CLASP1: variants seen among roughly 807,000 people sequenced by gnomAD.
CLASP1 encodes the protein CLIP-associating protein 1.
A neutral mutation model predicts 192.3 loss-of-function variants in CLASP1; 38 were observed. The observed-to-expected ratio is 0.20, with a 90% CI of 0.15 to 0.26. The LOEUF (loss-of-function observed/expected upper bound fraction) is 0.26, where lower values mean the gene tolerates loss of function less well. Ranked by LOEUF, CLASP1 falls within the 10% of genes least tolerant of loss-of-function variation. The pLI is 1.00. For missense variants in CLASP1, 1,433 were observed against 1,932.5 expected, an observed-to-expected ratio of 0.74 and a Z score of 4.85; for synonymous variants, 691 against 712.8, an observed-to-expected ratio of 0.97 and a Z score of 0.49.
chr2:121,541,124 G>A (rs781301440), intron 2 of CLASP1, among the ~76,000 whole-genome samples: 7 of 152,144 alleles, frequency 4.6e-5, no homozygotes, highest in Non-Finnish European at 1.0e-4. Context: ...CAAAACACTT[G>A]TAAAGGCCCC....
chr2:121,367,707 A>G (rs2067702298), exon 35 of CLASP1: 2 of 1,613,786 alleles, frequency 1.2e-6, no homozygotes, highest in Non-Finnish European at 1.7e-6. Context: ...CGGCCCCGGG[A>G]AGGCGCGCGG....
At position 121,647,673 on chromosome 2, in the gene CLASP1, C is replaced by T. The variant is rs144217989; in HGVS notation, c.-286+1699G>A. On this transcript the variant is annotated intron_variant, in intron 1 of 39. Coordinates refer to ENST00000263710, the Ensembl canonical transcript of CLASP1. The stretch of plus-strand genomic sequence containing the variant: ...TGGAATCTGTGGGTTAATTCAAAAG[C>T]CTGACATACTAGGAGATCTGGGTTT... 2.0e-3 allele frequency among the ~76,000 whole-genome samples: 312 copies of T among 152,318 alleles called. 1 individual carries two copies. The highest frequency in any genetic ancestry group is 7.2e-3 in the African/African-American group (298 of 41,564).
intron 8 of CLASP1, among the ~76,000 whole-genome samples, chr2:121,478,924 ACCACACAACACCCCCCACACACAC>A (rs2092260706): frequency 1.9e-5 from 1 of 52,858 alleles, no homozygotes; most frequent in Non-Finnish European, 3.5e-5. Context: ...CCACACACAC[ACCACACAACACCCCCCACACACAC>A]ACCACACACA....
At chr2:121,609,069 C>A (rs955391192) in intron 1 of CLASP1, among the ~76,000 whole-genome samples, 1 of 152,134 alleles carries the variant, frequency 6.6e-6, no homozygotes, top group African/African-American at 2.4e-5. Flanking sequence ...AATGAGTTTC[C>A]TTTCCCCACC....
intron 2 of CLASP1, among the ~76,000 whole-genome samples, chr2:121,588,273 T>C (rs2061964475): frequency 6.6e-6 from 1 of 152,098 alleles, no homozygotes; most frequent in Non-Finnish European, 1.5e-5. Context: ...ACAGGTTATG[T>C]GGTAAGTGTA....
intron 32 of CLASP1, among the ~76,000 whole-genome samples, chr2:121,384,433 C>G (rs926773412): frequency 1.4e-4 from 22 of 152,170 alleles, no homozygotes; most frequent in African/African-American, 4.8e-4. Flanking sequence ...AGCAATCCTC[C>G]CACGTTGGCC....
intron 2 of CLASP1, among the ~76,000 whole-genome samples, chr2:121,565,190 G>A (rs2059399482): frequency 6.6e-6 from 1 of 152,174 alleles, no homozygotes; most frequent in African/African-American, 2.4e-5. Flanking sequence ...CAGGACAAGA[G>A]GCATGAACAG....
chr2:121,621,754 A>T (rs2067390414), intron 1 of CLASP1, among the ~76,000 whole-genome samples: 1 of 151,974 alleles, frequency 6.6e-6, no homozygotes, highest in Non-Finnish European at 1.5e-5. Flanking sequence ...TTTTTTCAAG[A>T]TTGTTTTGGC....
intron 1 of CLASP1, among the ~76,000 whole-genome samples, chr2:121,608,643 G>C (rs535087434): frequency 6.6e-6 from 1 of 152,096 alleles, no homozygotes; most frequent in South Asian, 2.1e-4. Flanking sequence ...TAAGTGTAAG[G>C]AAACAAGCAG....
At chr2:121,348,781 A>C in intron 37 of CLASP1, 63 bp from the exon 39 acceptor site, 2 of 1,379,922 alleles carry the variant, frequency 1.4e-6, no homozygotes, top group Non-Finnish European at 1.9e-6. Context: ...AAGACCAAAC[A>C]TCACTTTTGA....
At chr2:121,639,754 T>C (rs1219198177) in intron 1 of CLASP1, among the ~76,000 whole-genome samples, 1 of 149,562 alleles carries the variant, frequency 6.7e-6, no homozygotes, top group Admixed American at 6.8e-5. Flanking sequence ...TCTCAGCTAC[T>C]CCGGAGGCTG....
At chr2:121,380,980 T>C (rs1317696941) in intron 33 of CLASP1, among the ~76,000 whole-genome samples, 5 of 152,028 alleles carry the variant, frequency 3.3e-5, no homozygotes, top group East Asian at 1.9e-4. Context: ...TACTGGGAGA[T>C]AGTCAACCAA....
chr2:121,603,381 C>T (rs2064027796), intron 2 of CLASP1, among the ~76,000 whole-genome samples: 1 of 152,132 alleles, frequency 6.6e-6, no homozygotes, highest in South Asian at 2.1e-4. Flanking sequence ...GAGGTATCAA[C>T]TCACCCCTGT....
chr2:121,371,020 T>C (rs1051017820), intron 34 of CLASP1, among the ~76,000 whole-genome samples: 2 of 152,034 alleles, frequency 1.3e-5, no homozygotes, highest in African/African-American at 2.4e-5. Context: ...GCTCAACAGA[T>C]GGACAGTGTG....
At position 121,528,783 on chromosome 2, in the gene CLASP1, G is replaced by GA; in HGVS notation, c.275-4dup. The GA allele has an allele frequency of 6.2e-7, 1 of 1,611,372 alleles. No individual in the cohort carries two copies. The highest frequency in any genetic ancestry group is 2.2e-5 in the East Asian group (1 of 44,870). On this transcript the variant is annotated splice_region_variant and splice_polypyrimidine_tract_variant and intron_variant, in intron 3 of 39. Transcript: ENST00000263710. ...TCTGTCTATTAGACTTGGCAGCACT[G>GA]AAAATCAAAATGGAAACTGATCAAA...
chr2:121,519,920 C>T (rs976524072), intron 6 of CLASP1, among the ~76,000 whole-genome samples: 2 of 152,214 alleles, frequency 1.3e-5, no homozygotes, highest in African/African-American at 4.8e-5. Flanking sequence ...TCACTGGTCT[C>T]GCACTGCCTC....
chr2:121,577,551 T>TG (rs568511912), intron 2 of CLASP1, among the ~76,000 whole-genome samples: 368 of 152,308 alleles, frequency 2.4e-3, no homozygotes, highest in Non-Finnish European at 4.4e-3. Flanking sequence ...CCCCACAGTG[T>TG]GGGCATCTCT....
intron 2 of CLASP1, chr2:121,530,930 G>T: frequency 1.4e-6 from 1 of 700,358 alleles, no homozygotes; most frequent in South Asian, 1.5e-5. Flanking sequence ...GCATAGTGAG[G>T]GCAGTACTGC....
At chr2:121,427,180 C>T (rs2080546652) in intron 21 of CLASP1, among the ~76,000 whole-genome samples, 1 of 151,946 alleles carries the variant, frequency 6.6e-6, no homozygotes, top group South Asian at 2.1e-4. Context: ...GTCTCAGGAC[C>T]TATTAATTTT....
Sources: gnomAD v4.1 joint callset for allele counts (sites outside exome capture counted in the v4.1 genomes callset) on GRCh38, gnomAD v4.1.1 for gene constraint, MANE v1.5 for transcripts, NCBI Gene and HGNC (gene_info 2026-07-23, HGNC 2026-07-21) for gene names.